CPNE4: variants seen among roughly 807,000 people sequenced by gnomAD.
CPNE4 encodes copine 4.
A neutral mutation model predicts 67.9 loss-of-function variants in CPNE4; 25 were observed. That is an observed-to-expected ratio of 0.37 (90% CI 0.27 to 0.51). CPNE4 has a LOEUF of 0.51. CPNE4 is among the 20% of genes least tolerant of loss of function. The pLI is 0.93. For missense variants in CPNE4, 464 were observed against 690.8 expected (o/e 0.67, Z 3.68); for synonymous variants, 242 against 244.9 (o/e 0.99, Z 0.11).
intron 1 of CPNE4, among the ~76,000 whole-genome samples, chr3:131,999,185 C>T (rs7635592): frequency 0.27 from 38,984 of 142,656 alleles, 6,074 homozygotes; most frequent in African/African-American, 0.45. Flanking sequence ...AGGAGAAAAA[C>T]GAAGGGCAGT....
intron 13 of CPNE4, among the ~76,000 whole-genome samples, chr3:131,551,731 T>C (rs1348804490): frequency 6.6e-6 from 1 of 152,110 alleles, no homozygotes; most frequent in East Asian, 1.9e-4. Flanking sequence ...GAGAGAGATA[T>C]GGACATTTCT....
intron 2 of CPNE4, among the ~76,000 whole-genome samples, chr3:131,843,085 A>G (rs1286893122): frequency 6.6e-6 from 1 of 152,230 alleles, no homozygotes; most frequent in Non-Finnish European, 1.5e-5. Flanking sequence ...AGTAAAAATA[A>G]GTAAAACCCA....
intron 1 of CPNE4, among the ~76,000 whole-genome samples, chr3:132,001,553 G>GAA (rs1467276159): frequency 0.11 from 11,618 of 101,390 alleles, 835 homozygotes; most frequent in East Asian, 0.15. Context: ...AAAGAAAAAA[G>GAA]AGAAAGAAAG....
chr3:132,024,040 G>A (rs966213127), intron 1 of CPNE4, among the ~76,000 whole-genome samples: 2 of 119,796 alleles, frequency 1.7e-5, no homozygotes, highest in African/African-American at 6.3e-5. Flanking sequence ...AATATTGATA[G>A]ATTTAATACA....
chr3:131,706,032 C>T (rs756227825), intron 3 of CPNE4, among the ~76,000 whole-genome samples: 21 of 152,196 alleles, frequency 1.4e-4, no homozygotes, highest in Non-Finnish European at 2.6e-4. Context: ...GGACCCACAT[C>T]CCCTAGCACC....
At chr3:131,801,450 G>A (rs369314172) in intron 2 of CPNE4, among the ~76,000 whole-genome samples, 1,054 of 39,372 alleles carry the variant, frequency 0.027, 25 homozygotes, top group African/African-American at 0.081. Context: ...GTGTGTGTGT[G>A]TGTATATATA....
chr3:132,016,680 A>C (rs890958032), intron 1 of CPNE4, among the ~76,000 whole-genome samples: 6 of 152,188 alleles, frequency 3.9e-5, no homozygotes, highest in Non-Finnish European at 8.8e-5. Context: ...CTCCTCTTTG[A>C]ATATTAAAAT....
intron 3 of CPNE4, among the ~76,000 whole-genome samples, chr3:131,704,618 G>C (rs1042925075): frequency 2.6e-5 from 4 of 152,024 alleles, no homozygotes; most frequent in African/African-American, 9.7e-5. Context: ...ACTGTGTCTG[G>C]AAGAACACAA....
chr3:131,762,710 T>A (rs543088567), intron 2 of CPNE4, among the ~76,000 whole-genome samples: 29 of 152,216 alleles, frequency 1.9e-4, no homozygotes, highest in African/African-American at 6.5e-4. Flanking sequence ...GTTTGCTATG[T>A]AAAATTTCAC....
chr3:131,548,876 C>T (rs1582772000), intron 14 of CPNE4, among the ~76,000 whole-genome samples: 1 of 152,212 alleles, frequency 6.6e-6, no homozygotes, highest in East Asian at 1.9e-4. Flanking sequence ...AAAGATCAAT[C>T]TGGTTTCTGC....
chr3:131,853,922 C>CTCGT (rs1480039922), intron 2 of CPNE4, among the ~76,000 whole-genome samples: 1 of 151,854 alleles, frequency 6.6e-6, no homozygotes, highest in Non-Finnish European at 1.5e-5. Context: ...AACTGGAAAT[C>CTCGT]TCGTTCACTT....
At chr3:131,839,950 A>G (rs1175203292) in intron 2 of CPNE4, among the ~76,000 whole-genome samples, 1 of 152,196 alleles carries the variant, frequency 6.6e-6, no homozygotes, top group African/African-American at 2.4e-5. Flanking sequence ...ATGAGGCCCT[A>G]TACGAGGCAA....
In CPNE4 at chr3:131,585,793, C is replaced by G. The variant is rs377108723; in HGVS notation, c.780+1691G>C. ...ATTCTCTAGCTATATTCCTTGTTAT[C>G]TTGGGAATGACTTTGCTTATAATTT... On this transcript the variant is annotated intron_variant, in intron 8 of 15. Coordinates refer to ENST00000429747, the MANE Select transcript of CPNE4 (RefSeq NM_130808.3). Among the ~76,000 whole-genome samples the G allele has an allele frequency of 3.8e-3, 573 of 152,234 alleles. 4 individuals carry two copies. Among genetic ancestry groups the G allele is most frequent in the East Asian group, 0.015 (77 of 5,176 alleles).
intron 2 of CPNE4, among the ~76,000 whole-genome samples, chr3:131,784,861 A>T (rs2083516603): frequency 6.6e-6 from 1 of 152,122 alleles, no homozygotes; most frequent in African/African-American, 2.4e-5. Context: ...CAAGTTAATT[A>T]AAAAATGGAA....
intron 7 of CPNE4, among the ~76,000 whole-genome samples, chr3:131,632,646 C>T (rs1239946486): frequency 6.6e-6 from 1 of 152,030 alleles, no homozygotes; most frequent in African/African-American, 2.4e-5. Flanking sequence ...TTTTTTCCCC[C>T]AGTATTACTA....
chr3:131,748,150 G>T (rs2082538019), intron 2 of CPNE4, among the ~76,000 whole-genome samples: 2 of 151,916 alleles, frequency 1.3e-5, no homozygotes, highest in Admixed American at 6.6e-5. Flanking sequence ...ATATTAACAG[G>T]ATTACTATAT....
intron 2 of CPNE4, among the ~76,000 whole-genome samples, chr3:131,883,927 C>T (rs1022939021): frequency 6.6e-6 from 1 of 152,228 alleles, no homozygotes; most frequent in African/African-American, 2.4e-5. Context: ...TCCTTATATA[C>T]AAATGGCTCA....
At chr3:131,962,020 A>G (rs1353269228) in intron 1 of CPNE4, among the ~76,000 whole-genome samples, 1 of 152,202 alleles carries the variant, frequency 6.6e-6, no homozygotes, top group Non-Finnish European at 1.5e-5. Flanking sequence ...TCACCTAGCC[A>G]ACATTTTTGA....
intron 2 of CPNE4, among the ~76,000 whole-genome samples, chr3:131,750,770 T>C (rs765822051): frequency 6.6e-6 from 1 of 152,168 alleles, no homozygotes; most frequent in Admixed American, 6.5e-5. Flanking sequence ...GATGCTCCGA[T>C]GTTCTTTTAT....
Sources: gnomAD v4.1 joint callset for allele counts (sites outside exome capture counted in the v4.1 genomes callset) on GRCh38, gnomAD v4.1.1 for gene constraint, MANE v1.5 for transcripts, NCBI Gene and HGNC (gene_info 2026-07-23, HGNC 2026-07-21) for gene names.